The following PLXNB2 variants were observed in gnomAD, a reference collection of about 807,000 sequenced individuals.
PLXNB2 encodes plexin B2.
In PLXNB2, 85 loss-of-function variants were observed where a neutral mutation model predicts 202.6. The observed-to-expected ratio is 0.42, with a 90% CI of 0.35 to 0.50. PLXNB2 has a LOEUF of 0.50. Among genes scored for constraint, PLXNB2 ranks in the 20% least tolerant of loss-of-function variants. PLXNB2 has a pLI of 0.02. For missense variants in PLXNB2, 2,063 were observed against 2,586.2 expected (o/e 0.80, Z 4.39); for synonymous variants, 1,239 against 1,137.6 (o/e 1.09, Z -1.79).
Position 50,278,845 on chromosome 22 carries a change from C to T in PLXNB2, c.4546+10G>A, listed in dbSNP as rs372408411. 7.5e-6 allele frequency: 12 copies of T among 1,606,922 alleles called. No individual in the cohort carries two copies. The highest frequency in any genetic ancestry group is 4.0e-5 in the African/African-American group (3 of 74,944). On this transcript the variant is annotated intron_variant, in intron 28 of 36. Coordinates refer to ENST00000359337, the MANE Select transcript of PLXNB2 (RefSeq NM_012401.4). Reference sequence around the variant, plus strand: ...CGCCTGTGTGCAGACGGGCAGGGGCCGGCACTCACCCAGGACCACGCTGTC... The same window carrying T: ...CGCCTGTGTGCAGACGGGCAGGGGCTGGCACTCACCCAGGACCACGCTGTC...
rs952416736 is a variant in PLXNB2 at position 50,300,169 on chromosome 22, C to A, written c.-73-5391G>T. On this transcript the variant is annotated intron_variant, in intron 1 of 36. Transcript: ENST00000359337. Reference sequence around the variant, plus strand: ...CGCCTCTGGGACAAACCTCACCAGGCCGGGGGCCCAGGACGCGCGGGCGGG... The same window carrying A: ...CGCCTCTGGGACAAACCTCACCAGGACGGGGGCCCAGGACGCGCGGGCGGG... 3 of 700,836 alleles carry A rather than the reference C, an allele frequency of 4.3e-6. No homozygotes were observed. In the Admixed American group the frequency reaches 1.9e-4, roughly 44 times the overall value. 43.4% of individuals were successfully genotyped at this position (700,836 alleles called of 1,614,324 possible). A position where few individuals can be genotyped will look rare whatever the true frequency, so the allele number is the denominator to read the frequency against.
In PLXNB2 at chr22:50,284,159, C is replaced by G; in HGVS notation, c.2236G>C (p.Gly746Arg). 1 of 1,612,438 alleles carries G rather than the reference C, an allele frequency of 6.2e-7. No homozygotes were observed. The highest frequency in any genetic ancestry group is 8.5e-7 in the Non-Finnish European group (1 of 1,179,694). ...TGGAGCTTGCTGTCGATATTCTTGC[C>G]GTAAGACTTGACGTAGAGGTGCAGG... ...LPLHLYVKSYGKNIDSKLHVT... is the reference protein window; with the variant it reads ...LPLHLYVKSYRKNIDSKLHVT... The change falls in exon 13 of 37, where the codon GGC becomes CGC. Residue 746 changes from glycine to arginine, a missense_variant. Gly to Arg is a moderately radical substitution (Grantham distance 125). This residue lies in a region of PLXNB2 where 1,303 missense variants were observed against 1,476.8 expected (regional missense o/e 0.88). Coordinates refer to ENST00000359337, the MANE Select transcript of PLXNB2 (RefSeq NM_012401.4). The surrounding 1 kb of genome is among the most constrained non-coding windows in gnomAD (Gnocchi z 8.0).
rs1377598598 is a variant in PLXNB2 at position 50,282,230 on chromosome 22, T to G, written c.3071A>C (p.Gln1024Pro). 1 of 1,612,288 alleles carries G rather than the reference T, an allele frequency of 6.2e-7. No individual in the cohort carries two copies. Among genetic ancestry groups the G allele is most frequent in the Non-Finnish European group, 8.5e-7 (1 of 1,179,834 alleles). Reference protein sequence around the residue: ...FAMVVIAEPLQSWQPPREAES... With the variant: ...FAMVVIAEPLPSWQPPREAES... ...AGCCTCCCGCGGCGGCTGCCAGGAC[T>G]GCAGGGGCTCCGCGATGACCACCAT... The change falls in exon 19 of 37, where the codon CAG becomes CCG. Residue 1024 changes from glutamine (Q) to proline (P), a missense_variant. Transcript: ENST00000359337.
chr22:50,283,846 G>T lies in PLXNB2; in HGVS notation c.2408C>A (p.Pro803His), dbSNP rs2066209118. The change falls in exon 14 of 37, where the codon CCC (proline) becomes CAC (histidine). Residue 803 changes from proline to histidine, a missense_variant. Transcript: ENST00000359337. Reference sequence around the variant, plus strand: ...CGAGGGGCTCACCCTGGTGATGACGGGCGGCGGGCACTCGGAGGTGGTGTT... The same window carrying T: ...CGAGGGGCTCACCCTGGTGATGACGTGCGGCGGGCACTCGGAGGTGGTGTT... ...LCNTTSECPPPVITRIQPETG... is the reference protein window; with the variant it reads ...LCNTTSECPPHVITRIQPETG... The T allele has an allele frequency of 1.2e-6, 2 of 1,609,862 alleles. No homozygotes were observed. The highest frequency in any genetic ancestry group is 2.7e-5 in the African/African-American group (2 of 74,830).
chr22:50,300,332 G>C (rs1287288512), intron 1 of PLXNB2: 1 of 985,174 alleles, frequency 1.0e-6, no homozygotes, highest in Non-Finnish European at 1.2e-6. Context: ...CCTCCGAGCC[G>C]TGGAAGGGGC....
At chr22:50,296,691 A>G (rs996199135) in intron 1 of PLXNB2, among the ~76,000 whole-genome samples, 24 of 150,910 alleles carry the variant, frequency 1.6e-4, no homozygotes, top group Admixed American at 5.3e-4. Flanking sequence ...CTCAATAGCC[A>G]CCCCTACAAC....
At chr22:50,282,108 C>A in intron 19 of PLXNB2, 27 bp from the exon 20 acceptor site, 1 of 1,605,926 alleles carries the variant, frequency 6.2e-7, no homozygotes, top group South Asian at 1.1e-5. Flanking sequence ...GCTGTCAGCC[C>A]CCGGGCGCAG....
In PLXNB2 at chr22:50,282,379, G is replaced by A. The variant is rs906482991; in HGVS notation, c.2988-66C>T. On this transcript the variant is annotated intron_variant, in intron 18 of 36. Transcript: ENST00000359337. The stretch of plus-strand genomic sequence containing the variant: ...TGGTCCCTGCAGCCTCCGCCCTCCC[G>A]TCCCCGCCCACCCTGGCCCTGACCA... 47 of 1,320,756 alleles carry A rather than the reference G, an allele frequency of 3.6e-5. No homozygotes were observed. The East Asian group carries it at 9.6e-4, about 27-fold the overall frequency. 81.8% of individuals were successfully genotyped at this position (1,320,756 alleles called of 1,614,324 possible).
intron 1 of PLXNB2, chr22:50,301,426 C>G: frequency 1.0e-6 from 1 of 983,342 alleles, no homozygotes; most frequent in East Asian, 1.1e-4. Flanking sequence ...AGGCCGATGG[C>G]TACAGCAGGA....
chr22:50,299,109 G>A (rs1055234193), intron 1 of PLXNB2, among the ~76,000 whole-genome samples: 1 of 152,226 alleles, frequency 6.6e-6, no homozygotes, highest in South Asian at 2.1e-4. Context: ...GCAGCGGCCC[G>A]GCAGGGGCCA....
chr22:50,287,029 G>A, intron 8 of PLXNB2, 82 bp downstream of exon 8: 1 of 1,336,844 alleles, frequency 7.5e-7, no homozygotes, highest in Non-Finnish European at 9.9e-7. Flanking sequence ...TGCACCCAGG[G>A]GCCAGCAGAG....
chr22:50,288,755 C>T lies in PLXNB2; in HGVS notation c.1368G>A (p.Met456Ile). ...GCGTCTGGCTCACCTTGTCCTGGGT[C>T]ATGGCGTACAGGCTGCCCAGGTCTC... The part of the protein sequence containing the change: ...LSGDLGSLYA[M>I]TQDKVFRLPV... The change falls in exon 5 of 37, where the codon ATG becomes ATA. Residue 456 changes from methionine to isoleucine, a missense_variant. Coordinates refer to ENST00000359337, the MANE Select transcript of PLXNB2 (RefSeq NM_012401.4). This position sits in a 1 kb window ranked among gnomAD's most constrained non-coding sequence, Gnocchi z 5.0. The T allele has an allele frequency of 1.2e-6, 2 of 1,612,998 alleles. No homozygotes were observed. The highest frequency in any genetic ancestry group is 1.7e-6 in the Non-Finnish European group (2 of 1,179,968).
rs573778572 is a variant in PLXNB2 at position 50,284,380 on chromosome 22, T to C, written c.2182-167A>G. On this transcript the variant is annotated intron_variant, in intron 12 of 36. Transcript: ENST00000359337. This position sits in a 1 kb window ranked among gnomAD's most constrained non-coding sequence, Gnocchi z 8.0. Reference sequence around the variant, plus strand: ...CGGGAACCCCATGGACGCTGCTCTGTGCCACTCTGTCCCCAGGGAGGCAGA... The same window carrying C: ...CGGGAACCCCATGGACGCTGCTCTGCGCCACTCTGTCCCCAGGGAGGCAGA... 9.1e-5 allele frequency: 67 copies of C among 737,408 alleles called. No individual in the cohort carries two copies. In the South Asian group the frequency reaches 1.0e-3, roughly 11 times the overall value. The allele number at this position is 737,408 out of a possible 1,614,324, so 45.7% of individuals were successfully genotyped here.
intron 7 of PLXNB2, 111 bp downstream of exon 7, chr22:50,287,555 GC>G: frequency 8.9e-7 from 1 of 1,129,018 alleles, no homozygotes; most frequent in Non-Finnish European, 1.2e-6. Flanking sequence ...CAGAGCCCAG[GC>G]GGGGGAGATG....
intron 1 of PLXNB2, 145 bp downstream of exon 1, chr22:50,307,407 AG>A: frequency 3.6e-6 from 1 of 278,650 alleles, no homozygotes; most frequent in Non-Finnish European, 5.4e-6. Context: ...GACGGGGCCC[AG>A]GCCCCGGGAG....
chr22:50,282,144 C>T, intron 19 of PLXNB2, 40 bp downstream of exon 19: 1 of 1,604,120 alleles, frequency 6.2e-7, no homozygotes, highest in Non-Finnish European at 8.5e-7. Flanking sequence ...GGCACGATCC[C>T]ATGGGCCGGT....
In PLXNB2 at chr22:50,299,528, C is replaced by T. The variant is rs1407620530; in HGVS notation, c.-73-4750G>A. On this transcript the variant is annotated intron_variant, in intron 1 of 36. Transcript: ENST00000359337. ...TGCAATTATCCCAGAGCGCTAAACACATCAGAGGAAACAAAACAGACGCGC... is the reference window on the plus strand; with the variant it reads ...TGCAATTATCCCAGAGCGCTAAACATATCAGAGGAAACAAAACAGACGCGC... 4.6e-5 allele frequency among the ~76,000 whole-genome samples: 7 copies of T among 152,278 alleles called. No individual in the cohort carries two copies. In the South Asian group the frequency reaches 1.5e-3, roughly 32 times the overall value.
rs375153131 is a variant in PLXNB2, at chr22:50,289,624, C to T, written c.961G>A (p.Ala321Thr). ...LCLFPLDKVH[A>T]KMEANRNACY... The stretch of plus-strand genomic sequence containing the variant: ...GCGTTGCGGTTGGCCTCCATCTTGG[C>T]GTGCACCTTGTCCAGCGGGAACAGG... Residue 321 changes from alanine to threonine, a missense_variant, in exon 3 of 37, where the codon GCC becomes ACC. Around this residue, in one of 2 missense-constraint regions of PLXNB2, gnomAD observed 1,303 missense variants for 1,476.8 expected, o/e 0.88. Transcript: ENST00000359337. This position sits in a 1 kb window ranked among gnomAD's most constrained non-coding sequence, Gnocchi z 8.0. 39 of 1,610,044 alleles carry T rather than the reference C, an allele frequency of 2.4e-5. No individual in the cohort carries two copies. Among genetic ancestry groups the T allele is most frequent in the South Asian group, 8.8e-5 (8 of 91,090 alleles).
At chr22:50,279,191 T>C (rs1011320461) in intron 27 of PLXNB2, among the ~76,000 whole-genome samples, 180 bp from the exon 28 acceptor site, 1 of 152,184 alleles carries the variant, frequency 6.6e-6, no homozygotes, top group Non-Finnish European at 1.5e-5. Flanking sequence ...GCCCTTCCCC[T>C]GCCTGCTCCG....
Sources: gnomAD v4.1 joint callset for allele counts (sites outside exome capture counted in the v4.1 genomes callset) on GRCh38, gnomAD v4.1.1 for gene constraint, gnomAD v4.1.1 regional missense constraint, Gnocchi (gnomAD v3.1) non-coding constraint, MANE v1.5 for transcripts, NCBI Gene and HGNC (gene_info 2026-07-23, HGNC 2026-07-21) for gene names.